The following MARCHF2 variants were observed in gnomAD, a reference collection of about 807,000 sequenced individuals.
MARCHF2 encodes E3 ubiquitin-protein ligase MARCHF2.
Under a neutral mutation model 24.0 loss-of-function variants are expected in MARCHF2, and 22 were observed. That is an observed-to-expected ratio of 0.92 (90% confidence interval 0.66 to 1.31). The LOEUF is 1.31. Ranked by LOEUF, MARCHF2 falls within the 50% of genes most tolerant of loss-of-function variation. The pLI, the probability that MARCHF2 is intolerant of heterozygous loss-of-function variation, is 0.00. For missense variants in MARCHF2, 301 were observed against 335.3 expected (o/e 0.90, Z 0.80); for synonymous variants, 154 against 153.0 (o/e 1.01, Z -0.05).
At chr19:8,420,027 G>A (rs181504878) in intron 1 of MARCHF2, among the ~76,000 whole-genome samples, 7 of 149,856 alleles carry the variant, frequency 4.7e-5, no homozygotes, top group Non-Finnish European at 7.4e-5. Context: ...GTGTGTTGGC[G>A]GGCGCCTGTA....
chr19:8,421,382 C>CTTTTTTTTTTTTT (rs1254772289), intron 1 of MARCHF2, among the ~76,000 whole-genome samples: 61 of 111,610 alleles, frequency 5.5e-4, no homozygotes, highest in Non-Finnish European at 6.4e-4. Flanking sequence ...TCTTTCTTTT[C>CTTTTTTTTTTTTT]TTTTTTTTTT....
At chr19:8,421,377 C>CT (rs1967234674) in intron 1 of MARCHF2, among the ~76,000 whole-genome samples, 1 of 116,654 alleles carries the variant, frequency 8.6e-6, no homozygotes, top group African/African-American at 3.0e-5. Flanking sequence ...TTTTTTCTTT[C>CT]TTTTCTTTTT....
intron 4 of MARCHF2, among the ~76,000 whole-genome samples, chr19:8,433,378 A>G (rs1300822750): frequency 6.6e-6 from 1 of 151,906 alleles, no homozygotes; most frequent in Non-Finnish European, 1.5e-5. Flanking sequence ...CCCCGTTTCT[A>G]CTAAAAATAC....
Position 8,430,861 on chromosome 19 carries a change from GACGCTGGTGAGTGGCTGTGGTTGTGCAGC to G in MARCHF2, c.581_582+27del. The G allele has an allele frequency of 6.3e-7, 1 of 1,597,522 alleles. No homozygotes were observed. On this transcript the variant is annotated splice_donor_variant and splice_donor_5th_base_variant and coding_sequence_variant and intron_variant, in exon 4 of 5. Coordinates refer to ENST00000215555, the MANE Select transcript of MARCHF2 (RefSeq NM_001005415.2). LOFTEE classifies it high-confidence loss of function. This position sits in a 1 kb window ranked among gnomAD's most constrained non-coding sequence, Gnocchi z 4.4. ...CCCTCTTCACCATCTATGTCCTCTG[GACGCTGGTGAGTGGCTGTGGTTGTGCAGC>G]ACGCGTCTCGAGCTCTGCCGCTGGG...
Position 8,413,343 on chromosome 19 carries a change from A to C in MARCHF2, c.-130A>C. 1 of 151,148 alleles carries C rather than the reference A, an allele frequency of 6.6e-6. No homozygotes were observed. The highest frequency in any genetic ancestry group is 2.4e-5 in the African/African-American group (1 of 41,104). 9.4% of individuals were successfully genotyped at this position (151,148 alleles called of 1,614,324 possible). ...GGCCGGAGCGGAGCTAGTGGCGCCG[A>C]CGGGCCGGGCCGGGCCGGGACCGGG... On this transcript the variant is annotated 5_prime_UTR_variant, in exon 1 of 5. Coordinates refer to ENST00000215555, the MANE Select transcript of MARCHF2 (RefSeq NM_001005415.2).
intron 4 of MARCHF2, among the ~76,000 whole-genome samples, chr19:8,431,462 A>G (rs1181407115): frequency 1.6e-5 from 2 of 126,684 alleles, no homozygotes; most frequent in Non-Finnish European, 3.1e-5. Flanking sequence ...ATGCCATTGC[A>G]CTCTAGCCTG....
In MARCHF2 at chr19:8,429,803, CTTTTTTTTTTTTT is replaced by C. The variant is rs371323385; in HGVS notation, c.373-844_373-832del. 3.5e-3 allele frequency among the ~76,000 whole-genome samples: 281 copies of C among 79,690 alleles called. 4 individuals are homozygous for C. Among genetic ancestry groups the C allele is most frequent in the African/African-American group, 0.011 (265 of 23,716 alleles). 52.3% of individuals were successfully genotyped at this position (79,690 alleles called of 152,430 possible). On this transcript the variant is annotated intron_variant, in intron 3 of 4. Coordinates refer to ENST00000215555, the MANE Select transcript of MARCHF2 (RefSeq NM_001005415.2). ...ACAGACGTGAACCACCACACCAGGG[CTTTTTTTTTTTTT>C]TTTTTTTTTTAGCCCATTTCTTTTG...
At chr19:8,416,340 CAAAAAAAAAAA>C (rs71175852) in intron 1 of MARCHF2, among the ~76,000 whole-genome samples, 1 of 77,450 alleles carries the variant, frequency 1.3e-5, no homozygotes, top group African/African-American at 5.0e-5. Flanking sequence ...GACTCTGTCT[CAAAAAAAAAAA>C]AAAAAAAAAA....
intron 4 of MARCHF2, among the ~76,000 whole-genome samples, chr19:8,434,949 G>A (rs1459662955): frequency 6.6e-6 from 1 of 151,676 alleles, no homozygotes; most frequent in African/African-American, 2.4e-5. Context: ...CAGGTGATCT[G>A]CCCACCTTGG....
intron 3 of MARCHF2, among the ~76,000 whole-genome samples, chr19:8,428,955 C>A (rs1967498321): frequency 6.9e-6 from 1 of 145,090 alleles, no homozygotes; most frequent in Non-Finnish European, 1.5e-5. Context: ...AAAACAAAAA[C>A]CCTAGAAAAG....
At position 8,426,520 on chromosome 19, in the gene MARCHF2, G is replaced by T. The variant is rs1051909705; in HGVS notation, c.177-89G>T. 14 of 1,066,566 alleles carry T rather than the reference G, an allele frequency of 1.3e-5. No individual in the cohort carries two copies. The South Asian group carries it at 2.0e-4, about 15-fold the overall frequency. The allele number at this position is 1,066,566 out of a possible 1,614,324, so 66.1% of individuals were successfully genotyped here. ...GGAGTTCACTAAGTGGCAGCATGGG[G>T]TAAGGGTGAGCTTGTGATCCAGTGG... On this transcript the variant is annotated intron_variant, in intron 2 of 4. Coordinates refer to ENST00000215555, the MANE Select transcript of MARCHF2 (RefSeq NM_001005415.2).
chr19:8,416,669 C>T (rs936598568), intron 1 of MARCHF2, among the ~76,000 whole-genome samples: 1 of 152,010 alleles, frequency 6.6e-6, no homozygotes, highest in African/African-American at 2.4e-5. Context: ...TGGGTGCAAG[C>T]GATTCTCCCA....
intron 4 of MARCHF2, among the ~76,000 whole-genome samples, chr19:8,436,282 G>T (rs1158264478): frequency 1.3e-5 from 2 of 151,566 alleles, no homozygotes; most frequent in Non-Finnish European, 2.9e-5. Flanking sequence ...CTACAGGCCT[G>T]TGCCACCACG....
At chr19:8,413,967 T>C (rs952431571) in intron 1 of MARCHF2, among the ~76,000 whole-genome samples, 1 of 152,026 alleles carries the variant, frequency 6.6e-6, no homozygotes, top group East Asian at 1.9e-4. Context: ...TGTTATACAG[T>C]TGAGAGAGTC....
At chr19:8,422,544 C>T (rs1599704669) in intron 2 of MARCHF2, among the ~76,000 whole-genome samples, 1 of 151,834 alleles carries the variant, frequency 6.6e-6, no homozygotes, top group Admixed American at 6.6e-5. Context: ...AGGCACCCGT[C>T]ACCACACCTG....
Position 8,432,968 on chromosome 19 carries a change from C to T in MARCHF2, c.582+2101C>T, listed in dbSNP as rs572848598. Among the ~76,000 whole-genome samples, 6 of 152,092 alleles carry T rather than the reference C, an allele frequency of 3.9e-5. No individual in the cohort carries two copies. In the South Asian group the frequency reaches 1.2e-3, roughly 32 times the overall value. ...GCATGGTGACTCACGCCTGTAATCCCAGCACTTTAGGAGGTTGAGGCAGGC... is the reference window on the plus strand; with the variant it reads ...GCATGGTGACTCACGCCTGTAATCCTAGCACTTTAGGAGGTTGAGGCAGGC... On this transcript the variant is annotated intron_variant, in intron 4 of 4. Transcript: ENST00000215555.
chr19:8,435,914 T>C (rs1967707826), intron 4 of MARCHF2, among the ~76,000 whole-genome samples: 1 of 149,280 alleles, frequency 6.7e-6, no homozygotes, highest in South Asian at 2.1e-4. Flanking sequence ...TGCAGTGCAG[T>C]GTGGCGTGAT....
In MARCHF2 at chr19:8,438,115, C is replaced by A. The variant is rs551924385; in HGVS notation, c.583-273C>A. Among the ~76,000 whole-genome samples, 111 of 152,230 alleles carry A rather than the reference C, an allele frequency of 7.3e-4. No individual in the cohort carries two copies. The Middle Eastern group carries it at 0.01, about 14-fold the overall frequency. ...CCAAGAGGCTGTTTCACTCCTTTCCCACTGAGAGGCAGGAAAGGAGCTCCC... is the reference window on the plus strand; with the variant it reads ...CCAAGAGGCTGTTTCACTCCTTTCCAACTGAGAGGCAGGAAAGGAGCTCCC... On this transcript the variant is annotated intron_variant, in intron 4 of 4. Coordinates refer to ENST00000215555, the MANE Select transcript of MARCHF2 (RefSeq NM_001005415.2).
intron 1 of MARCHF2, among the ~76,000 whole-genome samples, chr19:8,417,995 C>T (rs1041763312): frequency 2.2e-5 from 3 of 138,440 alleles, no homozygotes; most frequent in East Asian, 4.4e-4. Flanking sequence ...AACTCCTGAC[C>T]TCAGGTGATC....
Sources: gnomAD v4.1 joint callset for allele counts (sites outside exome capture counted in the v4.1 genomes callset) on GRCh38, gnomAD v4.1.1 for gene constraint, Gnocchi (gnomAD v3.1) non-coding constraint, MANE v1.5 for transcripts, NCBI Gene and HGNC (gene_info 2026-07-23, HGNC 2026-07-21) for gene names.